Variants in B9D1 observed in about 807,000 individuals in gnomAD.
B9D1 encodes the protein B9 domain containing 1.
B9D1 carries 20 observed loss-of-function variants against 26.1 expected under a neutral mutation model. The observed-to-expected ratio is 0.77, with a 90% confidence interval of 0.54 to 1.12. The LOEUF is 1.12. B9D1 is among the 50% of genes most tolerant of loss of function. B9D1 has a pLI of 0.00. For missense variants in B9D1, 260 were observed against 273.7 expected (o/e 0.95, Z 0.35); for synonymous variants, 105 against 103.1 (o/e 1.02, Z -0.11).
At chr17:19,338,132 C>G (rs2152245543), downstream of B9D1, among the ~76,000 whole-genome samples, 1 of 152,344 alleles carries the variant, frequency 6.6e-6, no homozygotes, top group South Asian at 2.1e-4. Flanking sequence ...AACAACAAAG[C>G]AGGGCAGGGG....
chr17:19,360,383 T>C lies in B9D1; in HGVS notation c.69A>G (p.Pro23=), dbSNP rs776088339. 3.7e-6 allele frequency: 6 copies of C among 1,613,788 alleles called. No individual in the cohort carries two copies. The highest frequency in any genetic ancestry group is 5.1e-6 in the Non-Finnish European group (6 of 1,179,956). ...ACTTGCAGTAGAGGTCATCATACTC[T>C]GGAAACTGAAAAAAGCACAGACAGA... The part of the protein sequence containing the change: ...VNGQVESAQF[P]EYDDLYCKYC... The change falls in exon 2 of 7, where the codon CCA becomes CCG. Residue 23 remains proline (P), a synonymous_variant. Transcript: ENST00000261499.
chr17:19,343,627 G>A (rs768469473), intron 6 of B9D1, 163 bp downstream of exon 6: 2 of 1,577,592 alleles, frequency 1.3e-6, no homozygotes, highest in Non-Finnish European at 1.7e-6. Flanking sequence ...AGGCAGACAT[G>A]ACAAACCCTC....
chr17:19,349,382 A>G (rs1909287680), intron 3 of B9D1, among the ~76,000 whole-genome samples: 1 of 102,686 alleles, frequency 9.7e-6, no homozygotes, highest in Non-Finnish European at 1.9e-5. Flanking sequence ...TTTTTTCTTC[A>G]TTAAAAACAT....
At chr17:19,343,052 CT>C (rs1419747657), downstream of B9D1, 83 of 1,364,852 alleles carry the variant, frequency 6.1e-5, no homozygotes, top group Admixed American at 9.3e-5. Context: ...CTCCTGGCAG[CT>C]TCCACGGCAC....
chr17:19,339,216 A>AT (rs1057442791), downstream of B9D1, among the ~76,000 whole-genome samples: 6 of 151,938 alleles, frequency 3.9e-5, no homozygotes, highest in African/African-American at 1.2e-4. Flanking sequence ...TTTGATGCTA[A>AT]TTTTTTTTAG....
chr17:19,343,619 G>T, intron 6 of B9D1, 158 bp from the exon 7 acceptor site: 1 of 1,574,940 alleles, frequency 6.3e-7, no homozygotes. Flanking sequence ...GCCGGGACAG[G>T]CAGACATGAC....
chr17:19,369,320 T>C (rs1413120325), intron 1 of B9D1, among the ~76,000 whole-genome samples: 2 of 152,190 alleles, frequency 1.3e-5, no homozygotes, highest in Admixed American at 1.3e-4. Flanking sequence ...CTGCCTGCAC[T>C]GAGACAACTG....
At position 19,343,863 on chromosome 17, in the gene B9D1, A is replaced by G; in HGVS notation, c.405-6T>C. 6.2e-7 allele frequency: 1 copy of G among 1,613,844 alleles called. No individual in the cohort carries two copies. ...GCCGCCGCCCCATGAACCAGCTGGG[A>G]ACACAGAAGAACACAGGTGAGCAGG... On this transcript the variant is annotated splice_region_variant and splice_polypyrimidine_tract_variant and intron_variant, in intron 5 of 6. Coordinates refer to ENST00000261499, the MANE Select transcript of B9D1 (RefSeq NM_015681.6).
intron 1 of B9D1, among the ~76,000 whole-genome samples, chr17:19,369,960 C>T (rs751951051): frequency 2.6e-5 from 4 of 152,184 alleles, no homozygotes; most frequent in Non-Finnish European, 5.9e-5. Flanking sequence ...CCACACCCGC[C>T]CCTCCGTCAT....
Position 19,343,228 on chromosome 17 carries a change from G to T in B9D1, c.*91C>A. 2 of 1,599,844 alleles carry T rather than the reference G, an allele frequency of 1.3e-6. No homozygotes were observed. Among genetic ancestry groups the T allele is most frequent in the Non-Finnish European group, 8.5e-7 (1 of 1,174,942 alleles). ...AACTATTCTGTGTGCCCCCAGCTCT[G>T]GCCACCAGGCTGCCCCTCAGGCCGA... is the stretch of plus-strand genomic sequence containing the variant. On this transcript the variant is annotated 3_prime_UTR_variant, in exon 7 of 7. Transcript: ENST00000261499.
chr17:19,343,929 T>C, intron 5 of B9D1, 72 bp from the exon 6 acceptor site: 4 of 1,605,252 alleles, frequency 2.5e-6, no homozygotes, highest in Non-Finnish European at 2.5e-6. Context: ...ACACTGGATG[T>C]GGGCTCTCCT....
intron 1 of B9D1, 68 bp from the exon 2 acceptor site, chr17:19,360,456 G>T: frequency 7.1e-7 from 1 of 1,412,172 alleles, no homozygotes; most frequent in Non-Finnish European, 1.0e-6. Context: ...TGCTAGGCAG[G>T]TGCAGCCAAG....
Position 19,343,517 on chromosome 17 carries a change from G to T in B9D1, c.473-56C>A, listed in dbSNP as rs759347973. 28 of 1,611,774 alleles carry T rather than the reference G, an allele frequency of 1.7e-5. No homozygotes were observed. In the East Asian group the frequency reaches 6.0e-4, roughly 35 times the overall value. ...TGGGCTGGGGCAGAGAGAGACCCAG[G>T]TTGATCTGGGAATCTCAGCCTCAGC... On this transcript the variant is annotated intron_variant, in intron 6 of 6. Coordinates refer to ENST00000261499, the MANE Select transcript of B9D1 (RefSeq NM_015681.6).
chr17:19,356,535 A>T, intron 3 of B9D1, among the ~76,000 whole-genome samples: 1 of 152,162 alleles, frequency 6.6e-6, no homozygotes, highest in African/African-American at 2.4e-5. Flanking sequence ...CCTTATTCCT[A>T]GGGCAGCTCT....
intron 5 of B9D1, among the ~76,000 whole-genome samples, chr17:19,345,477 CA>C (rs1020318196): frequency 1.3e-5 from 2 of 152,160 alleles, no homozygotes; most frequent in Non-Finnish European, 2.9e-5. Context: ...GGGTCACGTG[CA>C]CTTTGCACAG....
chr17:19,376,415 A>G (rs919287438), intron 1 of B9D1, among the ~76,000 whole-genome samples: 1 of 152,018 alleles, frequency 6.6e-6, no homozygotes, highest in African/African-American at 2.4e-5. Context: ...CTTAAGTCTG[A>G]TAAGAAATAT....
chr17:19,368,011 G>A (rs1453336591), intron 1 of B9D1, among the ~76,000 whole-genome samples: 1 of 152,206 alleles, frequency 6.6e-6, no homozygotes, highest in African/African-American at 2.4e-5. Flanking sequence ...GGTAGGGCTG[G>A]GCCCTCGGGT....
downstream of B9D1, among the ~76,000 whole-genome samples, chr17:19,339,760 A>G (rs1379308175): frequency 6.6e-6 from 1 of 152,120 alleles, no homozygotes; most frequent in Admixed American, 6.5e-5. Context: ...GGTGCCATGG[A>G]CAAGAACGAG....
Position 19,347,850 on chromosome 17 carries a change from G to C in B9D1, c.275C>G (p.Pro92Arg). 4 of 1,614,114 alleles carry C rather than the reference G, an allele frequency of 2.5e-6. No individual in the cohort carries two copies. The highest frequency in any genetic ancestry group is 3.4e-6 in the Non-Finnish European group (4 of 1,180,032). Residue 92 changes from proline (P) to arginine (R), a missense_variant, in exon 4 of 7, where the codon CCA (proline) becomes CGA (arginine). Coordinates refer to ENST00000261499, the MANE Select transcript of B9D1 (RefSeq NM_015681.6). The surrounding 1 kb of genome is among the most constrained non-coding windows in gnomAD (Gnocchi z 4.3). ...AACCACATCGTTCCCGAACACATCT[G>C]GTCCATACACGCTGAGCACGATCTG... ...WPQIVLSVYG[P>R]DVFGNDVVRG...
Sources: allele counts gnomAD v4.1 joint callset (sites outside exome capture counted in the v4.1 genomes callset), GRCh38; gene constraint gnomAD v4.1.1; non-coding constraint Gnocchi (gnomAD v3.1); transcripts MANE v1.5; gene names NCBI Gene and HGNC (gene_info 2026-07-23, HGNC 2026-07-21).